Variants in CYP7B1 observed in about 807,000 individuals in gnomAD.
The protein encoded by CYP7B1 is cytochrome P450 7B1.
Under a neutral mutation model 42.7 loss-of-function variants are expected in CYP7B1, and 29 were observed. That is an observed-to-expected ratio of 0.68 (90% CI 0.51 to 0.93). The LOEUF is 0.93. Among genes scored for constraint, CYP7B1 ranks in the 40% least tolerant of loss-of-function variants. CYP7B1 has a pLI of 0.00. For synonymous variants in CYP7B1, 235 were observed against 218.2 expected (o/e 1.08, Z -0.68); for missense variants, 655 against 600.5 (o/e 1.09, Z -0.95).
At chr8:64,623,287 C>T (rs1301329322) in intron 2 of CYP7B1, among the ~76,000 whole-genome samples, 1 of 152,148 alleles carries the variant, frequency 6.6e-6, no homozygotes, top group Non-Finnish European at 1.5e-5. Context: ...TAAGGTTTTG[C>T]AATATCTGAG....
downstream of CYP7B1, among the ~76,000 whole-genome samples, chr8:64,590,615 TTTG>T (rs755949763): frequency 1.7e-4 from 26 of 152,158 alleles, no homozygotes; most frequent in Admixed American, 3.3e-4. Flanking sequence ...TTTTTTTGAG[TTTG>T]TTATTTTACA....
At chr8:64,661,074 C>G (rs574451817) in intron 1 of CYP7B1, among the ~76,000 whole-genome samples, 1 of 152,182 alleles carries the variant, frequency 6.6e-6, no homozygotes, top group Non-Finnish European at 1.5e-5. Context: ...ATGTATATAA[C>G]TTGCAGCTCT....
intron 1 of CYP7B1, among the ~76,000 whole-genome samples, chr8:64,693,003 T>C (rs928666226): frequency 3.6e-4 from 55 of 152,364 alleles, no homozygotes; most frequent in African/African-American, 1.3e-3. Flanking sequence ...TGGTCAGGAC[T>C]AGGCTTTGCC....
At chr8:64,758,065 C>A (rs1168846849) in intron 1 of CYP7B1, among the ~76,000 whole-genome samples, 1 of 152,188 alleles carries the variant, frequency 6.6e-6, no homozygotes, top group Non-Finnish European at 1.5e-5. Flanking sequence ...ACTACCTATG[C>A]ACAAGCCTCT....
Position 64,676,606 on chromosome 8 carries a change from C to A in CYP7B1, c.123-52067G>T, listed in dbSNP as rs73241694. 8.1e-3 allele frequency among the ~76,000 whole-genome samples: 1,230 copies of A among 152,080 alleles called. 11 individuals are homozygous for A. The highest frequency in any genetic ancestry group is 0.028 in the African/African-American group (1,169 of 41,492). On this transcript the variant is annotated intron_variant, in intron 1 of 5. Coordinates refer to ENST00000310193, the MANE Select transcript of CYP7B1 (RefSeq NM_004820.5). ...AATTTACCACCTGGCACATAGTAGA[C>A]CCTCAATAAATATTTATTAAATGAA...
chr8:64,652,621 G>C (rs1246065864), intron 1 of CYP7B1, among the ~76,000 whole-genome samples: 2 of 152,156 alleles, frequency 1.3e-5, no homozygotes, highest in Non-Finnish European at 2.9e-5. Context: ...GAGGCAGGCG[G>C]ATCACGAGGT....
intron 1 of CYP7B1, among the ~76,000 whole-genome samples, chr8:64,692,575 C>A (rs140725877): frequency 7.2e-5 from 11 of 152,136 alleles, no homozygotes; most frequent in Non-Finnish European, 1.3e-4. Context: ...GGTATAATTA[C>A]GTAAAGGTCA....
Position 64,596,621 on chromosome 8 carries a change from T to A in CYP7B1, c.*21A>T. ...GTTTAGGGTAATTTTGATAGATTTA[T>A]TTTCTTTCCTTTTAGCTTCTCTAAG... On this transcript the variant is annotated 3_prime_UTR_variant, in exon 6 of 6. Transcript: ENST00000310193. 6.3e-7 allele frequency: 1 copy of A among 1,595,556 alleles called. No individual in the cohort carries two copies. The highest frequency in any genetic ancestry group is 8.6e-7 in the Non-Finnish European group (1 of 1,167,070).
intron 1 of CYP7B1, among the ~76,000 whole-genome samples, chr8:64,665,598 C>T (rs28599964): frequency 4.3e-5 from 2 of 46,732 alleles, no homozygotes; most frequent in East Asian, 5.7e-4. Context: ...TTTTTTGAGA[C>T]GGAGTTTCAC....
intron 2 of CYP7B1, among the ~76,000 whole-genome samples, chr8:64,617,616 G>C (rs771542954): frequency 6.6e-6 from 1 of 151,952 alleles, no homozygotes; most frequent in Non-Finnish European, 1.5e-5. Context: ...ATAAACTTTA[G>C]ATGATCCTAA....
chr8:64,685,281 T>C (rs367862372), intron 1 of CYP7B1, among the ~76,000 whole-genome samples: 7 of 139,960 alleles, frequency 5.0e-5, no homozygotes, highest in African/African-American at 1.6e-4. Context: ...TCTGCCCGGC[T>C]GCCACCCCGT....
At chr8:64,681,060 T>C (rs1051301702) in intron 1 of CYP7B1, among the ~76,000 whole-genome samples, 1 of 152,230 alleles carries the variant, frequency 6.6e-6, no homozygotes, top group Non-Finnish European at 1.5e-5. Flanking sequence ...AGAACAGCAA[T>C]GTGATTGGTT....
intron 1 of CYP7B1, among the ~76,000 whole-genome samples, chr8:64,686,448 G>T (rs1806647955): frequency 2.3e-5 from 1 of 43,696 alleles, no homozygotes; most frequent in South Asian, 5.1e-4. Flanking sequence ...CGTCCGGGAG[G>T]GAGGTTGGGG....
intron 1 of CYP7B1, among the ~76,000 whole-genome samples, chr8:64,687,361 G>T: frequency 6.6e-6 from 1 of 152,184 alleles, no homozygotes; most frequent in Admixed American, 6.5e-5. Context: ...TATACGAAAT[G>T]TCCAGAATAG....
At chr8:64,782,772 C>T (rs937014610) in intron 1 of CYP7B1, among the ~76,000 whole-genome samples, 5 of 152,170 alleles carry the variant, frequency 3.3e-5, no homozygotes, top group Non-Finnish European at 5.9e-5. Flanking sequence ...ATTAGCACTC[C>T]TGCAGGTCCC....
chr8:64,707,691 G>C (rs535045207), intron 1 of CYP7B1, among the ~76,000 whole-genome samples: 4 of 148,092 alleles, frequency 2.7e-5, no homozygotes, highest in African/African-American at 9.9e-5. Flanking sequence ...TATTCAATTA[G>C]TTTTTTTTTT....
At chr8:64,614,528 G>A (rs1373079122) in intron 4 of CYP7B1, among the ~76,000 whole-genome samples, 1 of 150,028 alleles carries the variant, frequency 6.7e-6, no homozygotes. Flanking sequence ...TTTAAATCAC[G>A]AACTTCCAAT....
chr8:64,721,548 G>A (rs959231044), intron 1 of CYP7B1, among the ~76,000 whole-genome samples: 1 of 152,162 alleles, frequency 6.6e-6, no homozygotes, highest in Non-Finnish European at 1.5e-5. Flanking sequence ...TATAAATGTA[G>A]GTGAAGGATG....
At chr8:64,629,869 T>G (rs528134508) in intron 1 of CYP7B1, among the ~76,000 whole-genome samples, 1 of 152,314 alleles carries the variant, frequency 6.6e-6, no homozygotes, top group Non-Finnish European at 1.5e-5. Flanking sequence ...TACAAGGCTG[T>G]GGATGGGAGA....
Sources: gnomAD v4.1 joint callset for allele counts (sites outside exome capture counted in the v4.1 genomes callset) on GRCh38, gnomAD v4.1.1 for gene constraint, MANE v1.5 for transcripts, NCBI Gene and HGNC (gene_info 2026-07-23, HGNC 2026-07-21) for gene names.